Variants in AMOTL1 observed in about 807,000 individuals in gnomAD.
The protein encoded by AMOTL1 is angiomotin like 1, also known as angiomotin-like protein 1.
In AMOTL1, 45 loss-of-function variants were observed where a neutral mutation model predicts 102.9. The observed-to-expected ratio is 0.44, with a 90% CI of 0.34 to 0.56. The LOEUF (loss-of-function observed/expected upper bound fraction) is 0.56. Among genes scored for constraint, AMOTL1 ranks in the 20% least tolerant of loss-of-function variants. The pLI, the probability that AMOTL1 is intolerant of heterozygous loss-of-function variation, is 0.01. For missense variants in AMOTL1, 1,114 were observed against 1,225.6 expected (o/e 0.91, Z 1.36); for synonymous variants, 481 against 484.7 (o/e 0.99, Z 0.10).
intron 3 of AMOTL1, among the ~76,000 whole-genome samples, chr11:94,809,947 GAC>G (rs993199435): frequency 9.2e-5 from 14 of 152,034 alleles, no homozygotes; most frequent in African/African-American, 3.4e-4. Flanking sequence ...ACATATACGT[GAC>G]ACAAATACAT....
At chr11:94,847,296 G>T (rs528111067) in intron 6 of AMOTL1, among the ~76,000 whole-genome samples, 2 of 152,286 alleles carry the variant, frequency 1.3e-5, no homozygotes, top group Middle Eastern at 3.4e-3. Context: ...GGGTTTGAAG[G>T]TCGAGTGGAC....
intron 6 of AMOTL1, among the ~76,000 whole-genome samples, chr11:94,844,675 C>A (rs1393663390): frequency 6.6e-6 from 1 of 152,180 alleles, no homozygotes; most frequent in African/African-American, 2.4e-5. Flanking sequence ...AATAACCAAC[C>A]TACTCCTACA....
chr11:94,739,180 A>C (rs1467669417), intron 2 of AMOTL1, among the ~76,000 whole-genome samples: 1 of 152,222 alleles, frequency 6.6e-6, no homozygotes, highest in Non-Finnish European at 1.5e-5. Context: ...CAACACTGAA[A>C]GAAACATTCA....
intron 2 of AMOTL1, among the ~76,000 whole-genome samples, chr11:94,796,387 A>T (rs1267244340): frequency 6.6e-6 from 1 of 152,164 alleles, no homozygotes; most frequent in Non-Finnish European, 1.5e-5. Context: ...CCTTCTGTGT[A>T]TCAGGACAGG....
chr11:94,718,347 T>A (rs1258467251), intron 1 of AMOTL1, among the ~76,000 whole-genome samples: 2 of 152,164 alleles, frequency 1.3e-5, no homozygotes, highest in Admixed American at 6.5e-5. Context: ...TTGACAGTCA[T>A]TAAAATTTTT....
intron 2 of AMOTL1, chr11:94,796,981 C>T (rs778930369): frequency 1.6e-4 from 159 of 985,174 alleles, no homozygotes; most frequent in Non-Finnish European, 1.7e-4. Flanking sequence ...GAAAAACGAG[C>T]GTGGCAGTTG....
intron 4 of AMOTL1, among the ~76,000 whole-genome samples, chr11:94,824,601 C>A (rs1006274889): frequency 6.6e-6 from 1 of 152,188 alleles, no homozygotes; most frequent in Non-Finnish European, 1.5e-5. Flanking sequence ...TAAGGTCACC[C>A]TAGTCCCAGA....
intron 2 of AMOTL1, among the ~76,000 whole-genome samples, chr11:94,732,239 T>C (rs1483633750): frequency 6.6e-6 from 1 of 152,170 alleles, no homozygotes; most frequent in African/African-American, 2.4e-5. Flanking sequence ...CCACAGAGAA[T>C]TGCATTATCT....
intron 1 of AMOTL1, among the ~76,000 whole-genome samples, chr11:94,786,340 G>A (rs1951188397): frequency 6.6e-6 from 1 of 152,172 alleles, no homozygotes; most frequent in South Asian, 2.1e-4. Flanking sequence ...CTGTGTGAGA[G>A]GTGGGACTGG....
At chr11:94,848,924 G>A (rs750793415) in intron 6 of AMOTL1, among the ~76,000 whole-genome samples, 1 of 152,200 alleles carries the variant, frequency 6.6e-6, no homozygotes, top group Non-Finnish European at 1.5e-5. Context: ...ATGAATGAAT[G>A]CAAACACTGT....
chr11:94,759,848 T>C (rs886580114), intron 3 of AMOTL1, among the ~76,000 whole-genome samples: 1 of 152,244 alleles, frequency 6.6e-6, no homozygotes, highest in African/African-American at 2.4e-5. Flanking sequence ...CATGTGCCTG[T>C]TTCCTTATTT....
At chr11:94,811,724 AAAAC>A (rs1323814559) in intron 3 of AMOTL1, among the ~76,000 whole-genome samples, 1 of 152,228 alleles carries the variant, frequency 6.6e-6, no homozygotes, top group Admixed American at 6.5e-5. Context: ...ACAGTTATGC[AAAAC>A]AAACAATCTC....
chr11:94,834,770 C>T (rs550846356), intron 6 of AMOTL1, among the ~76,000 whole-genome samples: 3 of 152,222 alleles, frequency 2.0e-5, no homozygotes, highest in Non-Finnish European at 4.4e-5. Context: ...TCTAAGAACA[C>T]CCAAACAACT....
chr11:94,762,307 A>T (rs1014887125), intron 3 of AMOTL1, among the ~76,000 whole-genome samples: 4 of 152,052 alleles, frequency 2.6e-5, no homozygotes, highest in African/African-American at 9.6e-5. Context: ...GGGTAACATC[A>T]ATTAATCAAC....
At chr11:94,817,045 A>G (rs994763947) in intron 3 of AMOTL1, among the ~76,000 whole-genome samples, 4 of 152,214 alleles carry the variant, frequency 2.6e-5, no homozygotes, top group Non-Finnish European at 5.9e-5. Flanking sequence ...ATAAAAGGTT[A>G]TAAAGATTAT....
rs1951417241 is a variant in AMOTL1 at position 94,799,024 on chromosome 11, A to G, written c.200-366A>G. Among the ~76,000 whole-genome samples the G allele has an allele frequency of 6.6e-6, 1 of 152,050 alleles. No homozygotes were observed. Among genetic ancestry groups the G allele is most frequent in the South Asian group, 2.1e-4 (1 of 4,808 alleles). ...GTTAGAGGTATATGGGAGGGCCAAGAAAAGGTGGTTTCTTTTGGTTTGATT... is the reference window on the plus strand; with the variant it reads ...GTTAGAGGTATATGGGAGGGCCAAGGAAAGGTGGTTTCTTTTGGTTTGATT... On this transcript the variant is annotated intron_variant, in intron 2 of 12. Transcript: ENST00000433060. This position sits in a 1 kb window ranked among gnomAD's most constrained non-coding sequence, Gnocchi z 4.5.
intron 1 of AMOTL1, among the ~76,000 whole-genome samples, chr11:94,718,681 T>A (rs1950131850): frequency 6.6e-6 from 1 of 152,020 alleles, no homozygotes; most frequent in Non-Finnish European, 1.5e-5. Context: ...TATCTTTTTA[T>A]ACTTTTATAA....
chr11:94,864,625 A>G (rs959122598), intron 9 of AMOTL1, 110 bp from the exon 10 acceptor site: 1 of 1,464,638 alleles, frequency 6.8e-7, no homozygotes, highest in Non-Finnish European at 9.2e-7. Context: ...CGAGATGCAG[A>G]GCTGATCTCT....
At chr11:94,755,628 C>T (rs1415353157) in intron 3 of AMOTL1, among the ~76,000 whole-genome samples, 2 of 152,152 alleles carry the variant, frequency 1.3e-5, no homozygotes, top group Non-Finnish European at 2.9e-5. Context: ...GGGAGGAGTT[C>T]CCATATCCCC....
Sources: allele counts gnomAD v4.1 joint callset (sites outside exome capture counted in the v4.1 genomes callset), GRCh38; gene constraint gnomAD v4.1.1; non-coding constraint Gnocchi (gnomAD v3.1); transcripts MANE v1.5; gene names NCBI Gene and HGNC (gene_info 2026-07-23, HGNC 2026-07-21).